Variants in TACC2 observed in about 807,000 individuals in gnomAD.
TACC2 encodes the protein transforming acidic coiled-coil-containing protein 2.
Under a neutral mutation model 227.3 loss-of-function variants are expected in TACC2, and 137 were observed. That is an observed-to-expected ratio of 0.60 (90% CI 0.52 to 0.69). TACC2 has a LOEUF of 0.69. TACC2 is among the 30% of genes least tolerant of loss of function. The pLI, the probability that TACC2 is intolerant of heterozygous loss-of-function variation, is 0.00. For synonymous variants in TACC2, 1,523 were observed against 1,487.5 expected, an observed-to-expected ratio of 1.02 and a Z score of -0.55; for missense variants, 3,470 against 3,694.4, an observed-to-expected ratio of 0.94 and a Z score of 1.57.
rs140606887 is a variant in TACC2 at position 122,085,319 on chromosome 10, A to G, written c.2819A>G (p.Lys940Arg). 779 of 1,613,914 alleles carry G rather than the reference A, an allele frequency of 4.8e-4. 1 individual carries two copies. Among genetic ancestry groups the G allele is most frequent in the Middle Eastern group, 2.0e-3 (12 of 6,084 alleles). Residue 940 changes from lysine to arginine, a missense_variant, in exon 4 of 23, where the codon AAG becomes AGG. Around this residue, in one of 10 missense-constraint regions of TACC2, gnomAD observed 1,924 missense variants for 1,978.3 expected, o/e 0.97. Transcript: ENST00000369005. ...ESELSAPTRQ[K>R]LPALGEKRPE... ...GAATTGTCAGCACCAACGAGACAGA[A>G]GTTGCCTGCACTAGGGGAGAAGCGG...
At chr10:122,026,823 G>C (rs1958090778) in intron 2 of TACC2, among the ~76,000 whole-genome samples, 1 of 151,632 alleles carries the variant, frequency 6.6e-6, no homozygotes, top group Admixed American at 6.6e-5. Context: ...TTTTAGCACT[G>C]AATAATTTTC....
chr10:122,132,084 G>A (rs1341241476), intron 5 of TACC2, among the ~76,000 whole-genome samples: 13 of 144,398 alleles, frequency 9.0e-5, no homozygotes, highest in African/African-American at 1.1e-4. Flanking sequence ...GAAAGAAAGA[G>A]AAAGATCTAC....
chr10:122,085,975 C>T lies in TACC2; in HGVS notation c.3475C>T (p.Leu1159Phe). The change falls in exon 4 of 23, where the codon CTC (leucine) becomes TTC (phenylalanine). Residue 1159 changes from leucine (L) to phenylalanine (F), a missense_variant. Transcript: ENST00000369005. ...TGGAGAAGCTACTTTGAGTTGTGGC[C>T]TCCTTCAGACTGAGCACTGCCTTAC... is the stretch of plus-strand genomic sequence containing the variant. ...KPGEATLSCG[L>F]LQTEHCLTSG... 1 of 1,613,912 alleles carries T rather than the reference C, an allele frequency of 6.2e-7. No homozygotes were observed. The highest frequency in any genetic ancestry group is 1.3e-5 in the African/African-American group (1 of 75,036).
At chr10:122,114,420 T>G (rs959775161) in intron 5 of TACC2, among the ~76,000 whole-genome samples, 7 of 152,370 alleles carry the variant, frequency 4.6e-5, no homozygotes, top group African/African-American at 1.7e-4. Context: ...TGACAGTTGA[T>G]GGAACTTAGA....
chr10:122,066,611 T>C (rs7923510), intron 3 of TACC2, among the ~76,000 whole-genome samples: 5,175 of 152,156 alleles, frequency 0.034, 266 homozygotes, highest in African/African-American at 0.11. Flanking sequence ...CCATGTTGGC[T>C]AGACTGGTCT....
At chr10:122,053,276 C>G (rs1233924334) in intron 3 of TACC2, among the ~76,000 whole-genome samples, 1 of 152,118 alleles carries the variant, frequency 6.6e-6, no homozygotes, top group Non-Finnish European at 1.5e-5. Context: ...GAGAAGAGAG[C>G]TTGTGCAGGG....
Position 122,086,591 on chromosome 10 carries a change from G to GT in TACC2, c.4092dup (p.Asp1365Ter). 6.3e-7 allele frequency: 1 copy of GT among 1,598,480 alleles called. No homozygotes were observed. The highest frequency in any genetic ancestry group is 2.2e-5 in the East Asian group (1 of 44,722). ...AAGGCCAGTGGGGAGGGCATGGCAG[G>GT]TGATGCAGCAGGAGAGACAGAGGGC... On this transcript the variant is annotated frameshift_variant, in exon 4 of 23. Coordinates refer to ENST00000369005, the MANE Select transcript of TACC2 (RefSeq NM_206862.4). LOFTEE classifies it high-confidence loss of function.
At chr10:122,136,035 A>G (rs746834578) in intron 6 of TACC2, among the ~76,000 whole-genome samples, 3 of 152,262 alleles carry the variant, frequency 2.0e-5, no homozygotes, top group East Asian at 1.9e-4. Flanking sequence ...TGTGAATTCA[A>G]TGAAGCAAAA....
intron 5 of TACC2, among the ~76,000 whole-genome samples, chr10:122,097,310 T>G (rs1369864415): frequency 6.6e-6 from 1 of 151,972 alleles, no homozygotes; most frequent in African/African-American, 2.4e-5. Context: ...GGGTACAGCC[T>G]GGGTGACAGA....
rs112788988 is a variant in TACC2, at chr10:121,992,206, G to A, written c.-46+2718G>A. 2.1e-3 allele frequency among the ~76,000 whole-genome samples: 321 copies of A among 152,256 alleles called. 1 individual carries two copies. Among genetic ancestry groups the A allele is most frequent in the African/African-American group, 7.2e-3 (300 of 41,548 alleles). ...TAAACTGGGAACAAAAGTGAGAAGT[G>A]GTAGAAAGCTGTGAAGAAGGCCCAG... is the stretch of plus-strand genomic sequence containing the variant. On this transcript the variant is annotated intron_variant, in intron 1 of 22. Coordinates refer to ENST00000369005, the MANE Select transcript of TACC2 (RefSeq NM_206862.4).
At chr10:122,120,241 C>T (rs111768863) in intron 5 of TACC2, among the ~76,000 whole-genome samples, 4,518 of 152,274 alleles carry the variant, frequency 0.03, 237 homozygotes, top group African/African-American at 0.1. Context: ...CCTGCTCCCC[C>T]GCCTGGCCTA....
At chr10:122,060,886 T>A (rs565703837) in intron 3 of TACC2, among the ~76,000 whole-genome samples, 1 of 151,186 alleles carries the variant, frequency 6.6e-6, no homozygotes, top group Middle Eastern at 3.5e-3. Context: ...ATGCCTGTAA[T>A]CCCAGCTACT....
intron 7 of TACC2, among the ~76,000 whole-genome samples, chr10:122,173,060 G>GA (rs1283940144): frequency 6.6e-6 from 1 of 152,036 alleles, no homozygotes; most frequent in African/African-American, 2.4e-5. Context: ...GTTGCAAGTA[G>GA]AAAAAAACCA....
chr10:122,112,267 G>C (rs1393829102), intron 5 of TACC2, among the ~76,000 whole-genome samples: 4 of 152,118 alleles, frequency 2.6e-5, no homozygotes, highest in African/African-American at 9.7e-5. Context: ...GTGTTGGCAG[G>C]TAAGCACCAC....
At position 122,141,495 on chromosome 10, in the gene TACC2, G is replaced by A. The variant is rs1010734004; in HGVS notation, c.5700-2077G>A. Reference sequence around the variant, plus strand: ...GCCAGGTGGCCCCTCAGGAACAGGAGCAGCTGTGGGTGTTAAGGGCAGGCG... The same window carrying A: ...GCCAGGTGGCCCCTCAGGAACAGGAACAGCTGTGGGTGTTAAGGGCAGGCG... On this transcript the variant is annotated intron_variant, in intron 6 of 22. Transcript: ENST00000369005. The surrounding 1 kb of genome is among the most constrained non-coding windows in gnomAD (Gnocchi z 4.3). Among the ~76,000 whole-genome samples the A allele has an allele frequency of 5.3e-5, 8 of 152,186 alleles. No homozygotes were observed. The highest frequency in any genetic ancestry group is 1.7e-4 in the African/African-American group (7 of 41,436).
At chr10:122,107,661 T>G (rs181915743) in intron 5 of TACC2, among the ~76,000 whole-genome samples, 1 of 148,516 alleles carries the variant, frequency 6.7e-6, no homozygotes, top group East Asian at 2.1e-4. Context: ...AGAATGCACA[T>G]TTCTTTTTTA....
At chr10:122,152,611 C>T (rs2092154107) in intron 7 of TACC2, among the ~76,000 whole-genome samples, 1 of 152,246 alleles carries the variant, frequency 6.6e-6, no homozygotes, top group African/African-American at 2.4e-5. Context: ...GGTGCATCGT[C>T]CCTGCTTCAT....
At chr10:122,113,768 G>A (rs1016993406) in intron 5 of TACC2, among the ~76,000 whole-genome samples, 5 of 152,270 alleles carry the variant, frequency 3.3e-5, no homozygotes, top group Non-Finnish European at 7.3e-5. Flanking sequence ...TTCTCGAATA[G>A]TTACGTCAGC....
rs764003429 is a variant in TACC2 at position 122,088,518 on chromosome 10, C to T, written c.5500C>T (p.Pro1834Ser). Reference sequence around the variant, plus strand: ...TGGCCCATCCATGTTACCTTCGGTTCCTAAGAAGGATGCTCCAAGAGTCAT... The same window carrying T: ...TGGCCCATCCATGTTACCTTCGGTTTCTAAGAAGGATGCTCCAAGAGTCAT... Reference protein sequence around the residue: ...RPGPSMLPSVPKKDAPRVMDK... With the variant: ...RPGPSMLPSVSKKDAPRVMDK... Residue 1834 changes from proline (P) to serine (S), a missense_variant, in exon 5 of 23, where the codon CCT becomes TCT. Transcript: ENST00000369005. 6 of 1,613,602 alleles carry T rather than the reference C, an allele frequency of 3.7e-6. No homozygotes were observed. The highest frequency in any genetic ancestry group is 5.1e-6 in the Non-Finnish European group (6 of 1,179,872).
Sources: allele counts gnomAD v4.1 joint callset (sites outside exome capture counted in the v4.1 genomes callset), GRCh38; gene constraint gnomAD v4.1.1; regional missense constraint gnomAD v4.1.1; non-coding constraint Gnocchi (gnomAD v3.1); transcripts MANE v1.5; gene names NCBI Gene and HGNC (gene_info 2026-07-23, HGNC 2026-07-21).